CSMD1: variants seen among roughly 807,000 people sequenced by gnomAD.
CSMD1 encodes CUB and Sushi multiple domains 1.
In CSMD1, 213 loss-of-function variants were observed where a neutral mutation model predicts 417.5. The observed-to-expected ratio is 0.51, with a 90% CI of 0.46 to 0.57. The LOEUF (loss-of-function observed/expected upper bound fraction) is 0.57. CSMD1 is among the 20% of genes least tolerant of loss of function. CSMD1 has a pLI of 0.00. For synonymous variants in CSMD1, 2,862 were observed against 1,736.8 expected (o/e 1.65, Z -16.11); for missense variants, 6,923 against 4,529.7 (o/e 1.53, Z -15.17).
At chr8:4,601,991 G>A (rs577660897) in intron 2 of CSMD1, among the ~76,000 whole-genome samples, 1 of 152,100 alleles carries the variant, frequency 6.6e-6, no homozygotes, top group Non-Finnish European at 1.5e-5. Context: ...CTCTCTGAAA[G>A]CTTTTATCTT....
At chr8:4,920,693 C>T (rs989863870) in intron 1 of CSMD1, among the ~76,000 whole-genome samples, 13 of 151,690 alleles carry the variant, frequency 8.6e-5, no homozygotes, top group Non-Finnish European at 1.6e-4. Flanking sequence ...GTGGGTGGTG[C>T]ATGTCTGCAA....
intron 1 of CSMD1, among the ~76,000 whole-genome samples, chr8:4,744,245 G>C (rs1393882825): frequency 6.6e-6 from 1 of 152,176 alleles, no homozygotes; most frequent in Non-Finnish European, 1.5e-5. Context: ...TCCCCACTTG[G>C]AAAGTACAGC....
chr8:3,317,149 G>A (rs200489723), intron 23 of CSMD1, among the ~76,000 whole-genome samples: 1 of 152,002 alleles, frequency 6.6e-6, no homozygotes, highest in Non-Finnish European at 1.5e-5. Flanking sequence ...GGAGGAAGAG[G>A]AGAATCATCA....
chr8:4,538,616 A>T (rs1202768321), intron 2 of CSMD1, among the ~76,000 whole-genome samples: 1 of 152,058 alleles, frequency 6.6e-6, no homozygotes. Flanking sequence ...GTACTCCAGT[A>T]TGGACCACAA....
intron 8 of CSMD1, among the ~76,000 whole-genome samples, chr8:3,591,905 A>C (rs555871239): frequency 6.6e-6 from 1 of 152,240 alleles, no homozygotes; most frequent in Non-Finnish European, 1.5e-5. Context: ...TGGATGGAGG[A>C]ATATATGGAT....
chr8:4,339,526 T>C (rs569071441), intron 3 of CSMD1, among the ~76,000 whole-genome samples: 2 of 152,246 alleles, frequency 1.3e-5, no homozygotes, highest in South Asian at 4.1e-4. Flanking sequence ...TCAATTTCAG[T>C]CCTACATTTC....
intron 9 of CSMD1, among the ~76,000 whole-genome samples, chr8:3,583,147 T>A (rs896792631): frequency 6.6e-6 from 1 of 151,946 alleles, no homozygotes; most frequent in Non-Finnish European, 1.5e-5. Flanking sequence ...CTTTCAGAAT[T>A]CAGATATAGT....
At chr8:4,919,479 C>G (rs760788909) in intron 1 of CSMD1, among the ~76,000 whole-genome samples, 4 of 152,094 alleles carry the variant, frequency 2.6e-5, no homozygotes, top group African/African-American at 7.2e-5. Flanking sequence ...CATTCCCTGG[C>G]TATTTGAAGC....
intron 57 of CSMD1, among the ~76,000 whole-genome samples, chr8:2,969,743 G>T (rs1418961409): frequency 1.3e-5 from 2 of 152,118 alleles, no homozygotes; most frequent in Non-Finnish European, 2.9e-5. Flanking sequence ...TTGGACCTAT[G>T]ATAACAAACA....
chr8:4,254,820 G>A (rs961370491), intron 3 of CSMD1, among the ~76,000 whole-genome samples: 3 of 152,072 alleles, frequency 2.0e-5, no homozygotes, highest in East Asian at 3.9e-4. Context: ...CCAGAGCCTA[G>A]GTGTGCCACA....
intron 6 of CSMD1, among the ~76,000 whole-genome samples, chr8:3,714,993 T>C (rs940448965): frequency 1.3e-5 from 2 of 152,180 alleles, no homozygotes; most frequent in Non-Finnish European, 1.5e-5. Flanking sequence ...TTTTCTAATA[T>C]TAGAATTTAG....
intron 3 of CSMD1, among the ~76,000 whole-genome samples, chr8:4,363,563 A>G (rs1801898619): frequency 6.6e-6 from 1 of 152,212 alleles, no homozygotes; most frequent in Non-Finnish European, 1.5e-5. Context: ...AGATTGTAGG[A>G]AACAGGAGCG....
chr8:4,792,185 T>C (rs1278286037), intron 1 of CSMD1, among the ~76,000 whole-genome samples: 1 of 152,114 alleles, frequency 6.6e-6, no homozygotes, highest in Non-Finnish European at 1.5e-5. Context: ...TAGGTATTTA[T>C]GAAATAAACA....
intron 48 of CSMD1, among the ~76,000 whole-genome samples, chr8:3,088,183 C>T (rs1362504695): frequency 6.6e-6 from 1 of 152,192 alleles, no homozygotes; most frequent in African/African-American, 2.4e-5. Flanking sequence ...TTTACCCACA[C>T]AGAATGTCAT....
chr8:3,352,165 T>A (rs775542927), intron 21 of CSMD1, among the ~76,000 whole-genome samples: 13 of 152,144 alleles, frequency 8.5e-5, no homozygotes, highest in Non-Finnish European at 1.6e-4. Context: ...GGGGAAGGAA[T>A]GCCAGGACCT....
chr8:4,750,508 T>C (rs532100154), intron 1 of CSMD1, among the ~76,000 whole-genome samples: 188 of 152,318 alleles, frequency 1.2e-3, no homozygotes, highest in South Asian at 3.3e-3. Flanking sequence ...CATTATTATA[T>C]TTTAATGTTA....
At chr8:3,024,183 T>C (rs1293466116) in intron 51 of CSMD1, among the ~76,000 whole-genome samples, 2 of 151,954 alleles carry the variant, frequency 1.3e-5, no homozygotes, top group Non-Finnish European at 2.9e-5. Context: ...GAGAGATAAA[T>C]GTAATTTAAG....
intron 2 of CSMD1, among the ~76,000 whole-genome samples, chr8:4,589,489 C>G (rs1799880310): frequency 6.6e-6 from 1 of 152,152 alleles, no homozygotes; most frequent in Non-Finnish European, 1.5e-5. Context: ...TGATCAGTGC[C>G]TGCGAGACAA....
At chr8:4,303,726 G>A (rs1389965261) in intron 3 of CSMD1, among the ~76,000 whole-genome samples, 7 of 151,788 alleles carry the variant, frequency 4.6e-5, no homozygotes, top group African/African-American at 1.7e-4. Flanking sequence ...CATTATCTTG[G>A]CTCACCCCAA....
Sources: gnomAD v4.1 joint callset for allele counts (sites outside exome capture counted in the v4.1 genomes callset) on GRCh38, gnomAD v4.1.1 for gene constraint, MANE v1.5 for transcripts, NCBI Gene and HGNC (gene_info 2026-07-23, HGNC 2026-07-21) for gene names.